The following TUBGCP2 variants were observed in gnomAD, a reference collection of about 807,000 sequenced individuals.
TUBGCP2 encodes tubulin gamma complex component 2.
A neutral mutation model predicts 92.2 loss-of-function variants in TUBGCP2; 55 were observed. That is an observed-to-expected ratio of 0.60 (90% CI 0.48 to 0.75). TUBGCP2 has a LOEUF of 0.75. TUBGCP2 is among the 30% of genes least tolerant of loss of function. TUBGCP2 has a pLI of 0.00. For synonymous variants in TUBGCP2, 533 were observed against 505.2 expected, an observed-to-expected ratio of 1.06 and a Z score of -0.74; for missense variants, 1,093 against 1,188.9, an observed-to-expected ratio of 0.92 and a Z score of 1.19.
At chr10:133,310,795 C>G (rs1308201617), upstream of TUBGCP2, among the ~76,000 whole-genome samples, 1 of 152,096 alleles carries the variant, frequency 6.6e-6, no homozygotes, top group East Asian at 1.9e-4. Flanking sequence ...GGAAATACTT[C>G]CAGGAACAAT....
chr10:133,301,561 G>A (rs968036752), intron 2 of TUBGCP2: 1 of 152,056 alleles, frequency 6.6e-6, no homozygotes, highest in Non-Finnish European at 1.5e-5. Flanking sequence ...AATAACTGAA[G>A]CTTCATAATG....
chr10:133,299,667 T>A, intron 3 of TUBGCP2, 64 bp from the exon 4 acceptor site: 1 of 1,408,268 alleles, frequency 7.1e-7, no homozygotes, highest in Non-Finnish European at 9.7e-7. Context: ...AGGGGGAGAG[T>A]AGGGACGACA....
At chr10:133,305,019 A>G (rs1847775411) in intron 1 of TUBGCP2, among the ~76,000 whole-genome samples, 1 of 151,962 alleles carries the variant, frequency 6.6e-6, no homozygotes, top group Non-Finnish European at 1.5e-5. Context: ...CGGGAAAGGG[A>G]GTCTCCCTTT....
At chr10:133,307,808 C>T (rs1847861429) in intron 1 of TUBGCP2, among the ~76,000 whole-genome samples, 2 of 152,188 alleles carry the variant, frequency 1.3e-5, no homozygotes, top group South Asian at 2.1e-4. Context: ...CAGAGTCACT[C>T]GCAGACCTGG....
intron 2 of TUBGCP2, among the ~76,000 whole-genome samples, chr10:133,300,759 C>G (rs1454960490): frequency 6.6e-6 from 1 of 152,252 alleles, no homozygotes; most frequent in Non-Finnish European, 1.5e-5. Flanking sequence ...CAGGTGTGAG[C>G]CCCTGCGCCC....
intron 1 of TUBGCP2, among the ~76,000 whole-genome samples, chr10:133,304,461 A>G (rs899877905): frequency 1.3e-5 from 2 of 152,218 alleles, no homozygotes; most frequent in East Asian, 3.9e-4. Context: ...TATGGGCAAA[A>G]TAACTTTTTA....
intron 2 of TUBGCP2, among the ~76,000 whole-genome samples, chr10:133,300,729 G>GGCC (rs34862841): frequency 0.21 from 31,435 of 152,088 alleles, 4,033 homozygotes; most frequent in African/African-American, 0.36. Flanking sequence ...CACCTGCCTC[G>GGCC]TCCCAAAGTG....
In TUBGCP2 at chr10:133,278,876, G is replaced by C. The variant is rs1846890435; in HGVS notation, c.*890C>G. The C allele has an allele frequency of 6.6e-6, 1 of 152,386 alleles. No homozygotes were observed. The highest frequency in any genetic ancestry group is 1.5e-5 in the Non-Finnish European group (1 of 68,136). The allele number at this position is 152,386 out of a possible 1,614,324, so 9.4% of individuals were successfully genotyped here. A position where few individuals can be genotyped will look rare whatever the true frequency, so the allele number is the denominator to read the frequency against. On this transcript the variant is annotated 3_prime_UTR_variant, in exon 18 of 18. Transcript: ENST00000252936. ...GCCCAAGGGGGCCGAGGTGCTGAGA[G>C]CTGAAGGTGACAACAATACACATGC...
chr10:133,289,485 G>A (rs902808339), intron 9 of TUBGCP2, among the ~76,000 whole-genome samples: 28 of 152,158 alleles, frequency 1.8e-4, no homozygotes, highest in Admixed American at 1.0e-3. Flanking sequence ...GCCGCCAGGC[G>A]TGTGTCTTTG....
chr10:133,284,717 C>A (rs1847086103), intron 13 of TUBGCP2, among the ~76,000 whole-genome samples: 1 of 152,120 alleles, frequency 6.6e-6, no homozygotes, highest in Non-Finnish European at 1.5e-5. Context: ...CCTAGAGGCA[C>A]AGACCGGCTG....
rs535792661 is a variant in TUBGCP2, at chr10:133,293,177, T to C, written c.886A>G (p.Met296Val). Residue 296 changes from methionine (M) to valine (V), a missense_variant, in exon 7 of 18, where the codon ATG becomes GTG. Transcript: ENST00000252936. ...GQVNHALAAA[M>V]RTLVKEHLIL... ...AGGTGCTCCTTCACCAGGGTGCGCA[T>C]GGCGGCCGCCAGGGCGTGGTTCACC... The C allele has an allele frequency of 1.9e-6, 3 of 1,613,902 alleles. No homozygotes were observed. Among genetic ancestry groups the C allele is most frequent in the East Asian group, 2.2e-5 (1 of 44,896 alleles).
chr10:133,311,617 T>C, upstream of TUBGCP2: 1 of 1,054,266 alleles, frequency 9.5e-7, no homozygotes, highest in Non-Finnish European at 1.4e-6. Context: ...ATATGCTACT[T>C]ACAGGGAAAT....
chr10:133,309,442 CCG>C (rs1564777884), upstream of TUBGCP2: 26 of 1,612,480 alleles, frequency 1.6e-5, no homozygotes, highest in Non-Finnish European at 2.1e-5. Flanking sequence ...ATGCAGGTGG[CCG>C]ACGTGCCTGA....
At chr10:133,298,246 A>C in intron 4 of TUBGCP2, 135 bp from the exon 5 acceptor site, 8 of 975,144 alleles carry the variant, frequency 8.2e-6, no homozygotes, top group Non-Finnish European at 1.2e-5. Context: ...GGTCAACCAC[A>C]TAGAAATGAA....
chr10:133,303,718 C>A (rs1381625028), intron 1 of TUBGCP2, among the ~76,000 whole-genome samples: 1 of 152,228 alleles, frequency 6.6e-6, no homozygotes, highest in Non-Finnish European at 1.5e-5. Flanking sequence ...ACTCTGGTAC[C>A]CGTGACATCT....
intron 1 of TUBGCP2, among the ~76,000 whole-genome samples, chr10:133,303,241 G>C (rs889983210): frequency 8.3e-6 from 1 of 120,266 alleles, no homozygotes; most frequent in South Asian, 2.6e-4. Flanking sequence ...GCCCCTCCCT[G>C]AACTCCAGCA....
Position 133,285,325 on chromosome 10 carries a change from C to CCCGGACAGCCCG in TUBGCP2, c.1896-113_1896-112insCGGGCTGTCCGG, listed in dbSNP as rs764035441. On this transcript the variant is annotated intron_variant, in intron 12 of 17. Transcript: ENST00000252936. The surrounding 1 kb of genome is among the most constrained non-coding windows in gnomAD (Gnocchi z 6.8). ...TGGCCCCCGGACAGCCCGTGAATCTCTCGGACACTGAAGGCCGGGGAGAGC... is the reference window on the plus strand; with the variant it reads ...TGGCCCCCGGACAGCCCGTGAATCTCCCGGACAGCCCGTCGGACACTGAAGGCCGGGGAGAGC... The CCCGGACAGCCCG allele has an allele frequency of 2.5e-6, 4 of 1,591,324 alleles. No individual in the cohort carries two copies. In the South Asian group the frequency reaches 4.5e-5, roughly 18 times the overall value.
intron 1 of TUBGCP2, among the ~76,000 whole-genome samples, chr10:133,306,584 G>C (rs1419149069): frequency 6.6e-6 from 1 of 152,064 alleles, no homozygotes; most frequent in African/African-American, 2.4e-5. Context: ...TCAGGAGATC[G>C]AGACCATCCT....
chr10:133,293,281 A>G, intron 6 of TUBGCP2, 43 bp from the exon 7 acceptor site: 2 of 1,597,516 alleles, frequency 1.3e-6, no homozygotes, highest in Middle Eastern at 1.7e-4. Flanking sequence ...GGCAAGCTGC[A>G]GGCACATACA....
Sources: gnomAD v4.1 joint callset for allele counts (sites outside exome capture counted in the v4.1 genomes callset) on GRCh38, gnomAD v4.1.1 for gene constraint, Gnocchi (gnomAD v3.1) non-coding constraint, MANE v1.5 for transcripts, NCBI Gene and HGNC (gene_info 2026-07-23, HGNC 2026-07-21) for gene names.